Variants in FOXA3 observed in about 807,000 individuals in gnomAD.
FOXA3 encodes forkhead box A3.
In FOXA3, 11 loss-of-function variants were observed where a neutral mutation model predicts 16.9. That is an observed-to-expected ratio of 0.65 (90% CI 0.41 to 1.08). FOXA3 has a LOEUF of 1.08. FOXA3 is among the 50% of genes least tolerant of loss of function. The probability of loss-of-function intolerance (pLI) is 0.00; values close to 1 mark genes in which losing one functional copy is unlikely to be tolerated. For missense variants in FOXA3, 423 were observed against 470.1 expected, an observed-to-expected ratio of 0.90 and a Z score of 0.93; for synonymous variants, 217 against 203.3, an observed-to-expected ratio of 1.07 and a Z score of -0.57.
intron 1 of FOXA3, among the ~76,000 whole-genome samples, chr19:45,865,995 C>T (rs1304042096): frequency 6.6e-6 from 1 of 152,146 alleles, no homozygotes; most frequent in Non-Finnish European, 1.5e-5. Context: ...TACAAACCAA[C>T]TACAGTTGTT....
rs1972054137 is a variant in FOXA3, at chr19:45,864,357, C to A, written c.-100C>A. 1.8e-6 allele frequency: 2 copies of A among 1,087,140 alleles called. No individual in the cohort carries two copies. Among genetic ancestry groups the A allele is most frequent in the Non-Finnish European group, 2.4e-6 (2 of 838,108 alleles). 67.3% of individuals were successfully genotyped at this position (1,087,140 alleles called of 1,614,324 possible). A position where few individuals can be genotyped will look rare whatever the true frequency, so the allele number is the denominator to read the frequency against. ...GCCGTACCCCGGGCGGTCGGACGGG[C>A]GGGCGCCGGTGGGAGCTCGGGCCGT... On this transcript the variant is annotated 5_prime_UTR_variant, in exon 1 of 2. Coordinates refer to ENST00000302177, the MANE Select transcript of FOXA3 (RefSeq NM_004497.3).
chr19:45,870,882 A>G (rs934910080), intron 1 of FOXA3, among the ~76,000 whole-genome samples: 3 of 152,088 alleles, frequency 2.0e-5, no homozygotes, highest in Admixed American at 2.0e-4. Context: ...CGAGGCCAGG[A>G]GTTTGAAAAC....
At chr19:45,871,425 G>C (rs1368080987) in intron 1 of FOXA3, among the ~76,000 whole-genome samples, 2 of 151,930 alleles carry the variant, frequency 1.3e-5, no homozygotes, top group African/African-American at 4.8e-5. Flanking sequence ...AGAGTGAAAA[G>C]GGCTAATAAT....
At chr19:45,866,229 T>C (rs1229738474) in intron 1 of FOXA3, among the ~76,000 whole-genome samples, 2 of 151,902 alleles carry the variant, frequency 1.3e-5, no homozygotes, top group Admixed American at 6.6e-5. Context: ...CTGGGCAACA[T>C]AGGGAGACCT....
At chr19:45,867,522 G>A (rs1412013805) in intron 1 of FOXA3, among the ~76,000 whole-genome samples, 2 of 152,020 alleles carry the variant, frequency 1.3e-5, no homozygotes, top group Non-Finnish European at 2.9e-5. Context: ...GCTCATGACT[G>A]TAATCCCAGC....
At position 45,872,337 on chromosome 19, in the gene FOXA3, G is replaced by A. The variant is rs371892021; in HGVS notation, c.332G>A (p.Arg111Gln). The change falls in exon 2 of 2, where the codon CGG becomes CAG. Residue 111 changes from arginine to glutamine, a missense_variant. By Grantham distance (43) the Arg-to-Gln change is conservative. This residue lies in a region of FOXA3 where 170 missense variants were observed against 153.9 expected (regional missense o/e 1.10). Transcript: ENST00000302177. This position sits in a 1 kb window ranked among gnomAD's most constrained non-coding sequence, Gnocchi z 4.5. ...AAGGAGATGCCGAAGGGGTATCGGCGGCCCCTGGCACACGCCAAGCCACCG... is the reference window on the plus strand; with the variant it reads ...AAGGAGATGCCGAAGGGGTATCGGCAGCCCCTGGCACACGCCAAGCCACCG... ...HGKEMPKGYR[R>Q]PLAHAKPPYS... 52 of 1,613,950 alleles carry A rather than the reference G, an allele frequency of 3.2e-5. No homozygotes were observed. Among genetic ancestry groups the A allele is most frequent in the Admixed American group, 5.0e-5 (3 of 60,010 alleles).
chr19:45,870,771 C>T (rs944653058), intron 1 of FOXA3, among the ~76,000 whole-genome samples: 6 of 151,918 alleles, frequency 3.9e-5, no homozygotes, highest in African/African-American at 7.3e-5. Context: ...GGTTTTGCCA[C>T]GTTGCCAGGC....
chr19:45,872,930 C>G lies in FOXA3; in HGVS notation c.925C>G (p.Leu309Val). ...NFNHPFSINNLMSEQTPAPPK... is the reference protein window; with the variant it reads ...NFNHPFSINNVMSEQTPAPPK... ...CAACCACCCTTTCTCCATCAACAAC[C>G]TAATGTCAGAACAGACACCAGCACC... Residue 309 changes from leucine to valine, a missense_variant, in exon 2 of 2, where the codon CTA (leucine) becomes GTA (valine). Coordinates refer to ENST00000302177, the MANE Select transcript of FOXA3 (RefSeq NM_004497.3). This position sits in a 1 kb window ranked among gnomAD's most constrained non-coding sequence, Gnocchi z 4.5. 5 of 1,614,178 alleles carry G rather than the reference C, an allele frequency of 3.1e-6. No homozygotes were observed. The highest frequency in any genetic ancestry group is 4.2e-6 in the Non-Finnish European group (5 of 1,180,034).
chr19:45,864,375 C>G lies in FOXA3; in HGVS notation c.-82C>G. On this transcript the variant is annotated 5_prime_UTR_variant, in exon 1 of 2. Coordinates refer to ENST00000302177, the MANE Select transcript of FOXA3 (RefSeq NM_004497.3). Reference sequence around the variant, plus strand: ...GGACGGGCGGGCGCCGGTGGGAGCTCGGGCCGTGCCCGCTGAGAGATCCAG... The same window carrying G: ...GGACGGGCGGGCGCCGGTGGGAGCTGGGGCCGTGCCCGCTGAGAGATCCAG... 8.3e-7 allele frequency: 1 copy of G among 1,208,678 alleles called. No homozygotes were observed. Among genetic ancestry groups the G allele is most frequent in the Non-Finnish European group, 1.1e-6 (1 of 941,886 alleles). 74.9% of individuals were successfully genotyped at this position (1,208,678 alleles called of 1,614,324 possible).
intron 1 of FOXA3, among the ~76,000 whole-genome samples, chr19:45,866,254 A>G (rs1972084299): frequency 6.6e-6 from 1 of 152,024 alleles, no homozygotes; most frequent in East Asian, 1.9e-4. Flanking sequence ...TTTAAAAAAA[A>G]AATTTTTTTT....
chr19:45,868,449 G>A (rs1269051155), intron 1 of FOXA3, among the ~76,000 whole-genome samples: 1 of 152,038 alleles, frequency 6.6e-6, no homozygotes, highest in Non-Finnish European at 1.5e-5. Context: ...GTGTTGTGGT[G>A]CGTGCCCGTA....
At chr19:45,867,455 A>AGATAGATG (rs1418121730) in intron 1 of FOXA3, among the ~76,000 whole-genome samples, 137 of 147,870 alleles carry the variant, frequency 9.3e-4, no homozygotes, top group African/African-American at 2.9e-3. Context: ...ATAGATAGAT[A>AGATAGATG]GATGCATGGA....
At chr19:45,867,866 C>T (rs955461858) in intron 1 of FOXA3, among the ~76,000 whole-genome samples, 2 of 144,202 alleles carry the variant, frequency 1.4e-5, no homozygotes, top group East Asian at 2.1e-4. Flanking sequence ...GGGGTAGAGT[C>T]GGATAGTGAG....
In FOXA3 at chr19:45,872,462, T is replaced by C. The variant is rs1379362275; in HGVS notation, c.457T>C (p.Tyr153His). The C allele has an allele frequency of 1.9e-6, 3 of 1,614,042 alleles. No individual in the cohort carries two copies. Among genetic ancestry groups the C allele is most frequent in the Non-Finnish European group, 2.5e-6 (3 of 1,180,024 alleles). ...IYQWIMDLFP[Y>H]YRENQQRWQN... ...CCAGTGGATCATGGACCTCTTCCCT[T>C]ACTACCGGGAGAATCAGCAGCGCTG... Residue 153 changes from tyrosine to histidine, a missense_variant, in exon 2 of 2, where the codon TAC (tyrosine) becomes CAC (histidine). Tyr to His is a moderately conservative substitution (Grantham distance 83). Transcript: ENST00000302177. The surrounding 1 kb of genome is among the most constrained non-coding windows in gnomAD (Gnocchi z 4.5).
At position 45,864,381 on chromosome 19, in the gene FOXA3, G is replaced by T. The variant is rs888330155; in HGVS notation, c.-76G>T. ...GCGGGCGCCGGTGGGAGCTCGGGCCGTGCCCGCTGAGAGATCCAGAGCGCT... is the reference window on the plus strand; with the variant it reads ...GCGGGCGCCGGTGGGAGCTCGGGCCTTGCCCGCTGAGAGATCCAGAGCGCT... On this transcript the variant is annotated 5_prime_UTR_variant, in exon 1 of 2. Coordinates refer to ENST00000302177, the MANE Select transcript of FOXA3 (RefSeq NM_004497.3). The T allele has an allele frequency of 4.1e-6, 5 of 1,230,086 alleles. 1 individual carries two copies. The highest frequency in any genetic ancestry group is 5.2e-6 in the Non-Finnish European group (5 of 957,594). The allele number at this position is 1,230,086 out of a possible 1,614,324, so 76.2% of individuals were successfully genotyped here.
rs865905914 is a variant in FOXA3 at position 45,872,395 on chromosome 19, C to T, written c.390C>T (p.Ile130=). ...YSYISLITMA[I]QQAPGKMLTL... ...ATATCTCACTCATCACCATGGCCAT[C>T]CAGCAGGCGCCGGGCAAGATGCTGA... is the stretch of plus-strand genomic sequence containing the variant. The change falls in exon 2 of 2, where the codon ATC becomes ATT. Residue 130 remains isoleucine, a synonymous_variant. Coordinates refer to ENST00000302177, the MANE Select transcript of FOXA3 (RefSeq NM_004497.3). The surrounding 1 kb of genome is among the most constrained non-coding windows in gnomAD (Gnocchi z 4.5). 6.2e-7 allele frequency: 1 copy of T among 1,614,232 alleles called. No homozygotes were observed. The highest frequency in any genetic ancestry group is 8.5e-7 in the Non-Finnish European group (1 of 1,180,040).
In FOXA3 at chr19:45,864,511, C is replaced by G; in HGVS notation, c.55C>G (p.Pro19Ala). The change falls in exon 1 of 2, where the codon CCG (proline) becomes GCG (alanine). Residue 19 changes from proline to alanine, a missense_variant. Pro to Ala is a conservative substitution (Grantham distance 27). Transcript: ENST00000302177. The part of the protein sequence containing the change: ...AHDLAEWSYY[P>A]EAGEVYSPVT... Reference sequence around the variant, plus strand: ...TGACCTGGCCGAGTGGAGCTACTACCCGGAGGCGGGCGAGGTGTGTCCTCG... The same window carrying G: ...TGACCTGGCCGAGTGGAGCTACTACGCGGAGGCGGGCGAGGTGTGTCCTCG... 6.5e-7 allele frequency: 1 copy of G among 1,549,930 alleles called. No homozygotes were observed. Among genetic ancestry groups the G allele is most frequent in the Non-Finnish European group, 8.7e-7 (1 of 1,146,602 alleles).
At position 45,873,049 on chromosome 19, in the gene FOXA3, T is replaced by C. The variant is rs369283603; in HGVS notation, c.1044T>C (p.Asn348=). ...YQGLYSRSLL[N]AS ...GCCTCTATTCCCGCTCTTTGCTTAATGCATCCTAGCAGGGGTTGGGAACAT... is the reference window on the plus strand; with the variant it reads ...GCCTCTATTCCCGCTCTTTGCTTAACGCATCCTAGCAGGGGTTGGGAACAT... Residue 348 remains asparagine, a synonymous_variant, in exon 2 of 2, where the codon AAT becomes AAC. Coordinates refer to ENST00000302177, the MANE Select transcript of FOXA3 (RefSeq NM_004497.3). 5 of 1,593,832 alleles carry C rather than the reference T, an allele frequency of 3.1e-6. No homozygotes were observed. In the African/African-American group the frequency reaches 5.4e-5, roughly 17 times the overall value.
chr19:45,873,376 G>T lies in FOXA3; in HGVS notation c.*318G>T. The T allele has an allele frequency of 2.5e-6, 1 of 403,450 alleles. No homozygotes were observed. The highest frequency in any genetic ancestry group is 4.6e-6 in the Non-Finnish European group (1 of 218,466). The allele number at this position is 403,450 out of a possible 1,614,324, so 25.0% of individuals were successfully genotyped here. On this transcript the variant is annotated 3_prime_UTR_variant, in exon 2 of 2. Coordinates refer to ENST00000302177, the MANE Select transcript of FOXA3 (RefSeq NM_004497.3). ...TGGGTGTGATGGTGATAGCATTTCA[G>T]TGACATCTTCTTTGGCCCCCCCCAT... is the stretch of plus-strand genomic sequence containing the variant.
Sources: gnomAD v4.1 joint callset for allele counts (sites outside exome capture counted in the v4.1 genomes callset) on GRCh38, gnomAD v4.1.1 for gene constraint, gnomAD v4.1.1 regional missense constraint, Gnocchi (gnomAD v3.1) non-coding constraint, MANE v1.5 for transcripts, NCBI Gene and HGNC (gene_info 2026-07-23, HGNC 2026-07-21) for gene names.